DOCK2: variants seen among roughly 807,000 people sequenced by gnomAD.
DOCK2 encodes the protein dedicator of cytokinesis protein 2.
A neutral mutation model predicts 248.9 loss-of-function variants in DOCK2; 87 were observed. The ratio of observed to expected loss-of-function variants is 0.35; its 90% confidence interval spans 0.29 to 0.42. The LOEUF (loss-of-function observed/expected upper bound fraction) is 0.42. DOCK2 is among the 10% of genes least tolerant of loss of function. The pLI is 1.00. For missense variants in DOCK2, 1,747 were observed against 2,300.2 expected (o/e 0.76, Z 4.92); for synonymous variants, 805 against 821.6 (o/e 0.98, Z 0.35).
intron 30 of DOCK2, among the ~76,000 whole-genome samples, chr5:169,999,307 G>C (rs1754754307): frequency 1.3e-5 from 2 of 152,114 alleles, no homozygotes; most frequent in Non-Finnish European, 2.9e-5. Context: ...CATTAAATCA[G>C]GATACTAATA....
At chr5:169,798,644 T>A (rs1170418615) in intron 25 of DOCK2, among the ~76,000 whole-genome samples, 2 of 152,198 alleles carry the variant, frequency 1.3e-5, no homozygotes, top group African/African-American at 4.8e-5. Context: ...GTACTAAGTG[T>A]TTTTCCTGTC....
At chr5:169,843,479 G>C (rs532092802) in intron 27 of DOCK2, among the ~76,000 whole-genome samples, 2 of 152,130 alleles carry the variant, frequency 1.3e-5, no homozygotes. Context: ...CCAAGATCGC[G>C]CCACTGCACT....
chr5:169,778,438 C>T (rs1027770021), intron 25 of DOCK2, among the ~76,000 whole-genome samples: 5 of 152,198 alleles, frequency 3.3e-5, no homozygotes, highest in Non-Finnish European at 5.9e-5. Flanking sequence ...AGAGGACACT[C>T]AGCAGTGTGC....
At chr5:170,015,681 T>C (rs1395710161) in intron 32 of DOCK2, among the ~76,000 whole-genome samples, 4 of 152,154 alleles carry the variant, frequency 2.6e-5, no homozygotes, top group Admixed American at 2.6e-4. Flanking sequence ...CCTTGTTCAT[T>C]GCAGCGTCTG....
chr5:169,874,555 A>G (rs1772201080), intron 27 of DOCK2, among the ~76,000 whole-genome samples: 1 of 152,106 alleles, frequency 6.6e-6, no homozygotes, highest in African/African-American at 2.4e-5. Context: ...CCATACCCCT[A>G]TCCTGAAGTG....
intron 27 of DOCK2, among the ~76,000 whole-genome samples, chr5:169,982,068 C>CTT (rs59193932): frequency 0.064 from 8,097 of 126,248 alleles, 779 homozygotes; most frequent in African/African-American, 0.21. Context: ...GGTAAAAATG[C>CTT]TTTTTTTTTT....
At chr5:169,701,635 C>T (rs1331850251) in intron 13 of DOCK2, among the ~76,000 whole-genome samples, 2 of 152,294 alleles carry the variant, frequency 1.3e-5, no homozygotes, top group East Asian at 3.9e-4. Flanking sequence ...CTACCTCAGC[C>T]TCCTGAGCAG....
chr5:169,967,882 C>G (rs776997120), intron 27 of DOCK2, among the ~76,000 whole-genome samples: 1 of 151,912 alleles, frequency 6.6e-6, no homozygotes, highest in African/African-American at 2.4e-5. Flanking sequence ...GTGGGAGGAG[C>G]GAGAGAAAGG....
chr5:170,065,953 G>GCTTT (rs1757475301), intron 44 of DOCK2, among the ~76,000 whole-genome samples: 1 of 133,398 alleles, frequency 7.5e-6, no homozygotes, highest in Non-Finnish European at 1.6e-5. Context: ...AATGAAAACT[G>GCTTT]TTTTTTTTTT....
At chr5:169,749,612 G>C (rs1246656408) in intron 23 of DOCK2, among the ~76,000 whole-genome samples, 2 of 152,132 alleles carry the variant, frequency 1.3e-5, no homozygotes, top group African/African-American at 2.4e-5. Context: ...CTTCCTCCAG[G>C]CACCATTGCT....
At chr5:170,042,283 A>G (rs1275722745) in intron 38 of DOCK2, 151 bp downstream of exon 38, 3 of 1,046,740 alleles carry the variant, frequency 2.9e-6, no homozygotes, top group African/African-American at 1.6e-5. Context: ...CTCCATCTCC[A>G]TTCCTTCCAC....
At chr5:169,891,388 AG>A (rs1345128781) in intron 27 of DOCK2, among the ~76,000 whole-genome samples, 2 of 152,220 alleles carry the variant, frequency 1.3e-5, no homozygotes, top group Admixed American at 6.5e-5. Flanking sequence ...TTATAGTTAG[AG>A]GCTTCAAGGA....
chr5:170,025,812 C>CTTCCTTCCTTCCTTCT (rs1350163602), intron 33 of DOCK2, among the ~76,000 whole-genome samples: 12 of 96,584 alleles, frequency 1.2e-4, no homozygotes, highest in Non-Finnish European at 2.2e-4. Flanking sequence ...TCCTTCCTTC[C>CTTCCTTCCTTCCTTCT]TTCCTTCCTT....
At chr5:169,716,079 C>T (rs537681205) in intron 19 of DOCK2, 134 bp from the exon 20 acceptor site, 2 of 779,360 alleles carry the variant, frequency 2.6e-6, no homozygotes, top group Middle Eastern at 3.9e-4. Flanking sequence ...AGTAAAACTA[C>T]TCTAGACGTT....
At position 170,019,085 on chromosome 5, in the gene DOCK2, C is replaced by G. The variant is rs772725332; in HGVS notation, c.3358C>G (p.Gln1120Glu). ...IFFDMMLCEY[Q>E]RSGDFKKFEN... ...CTTCGACATGATGCTGTGTGAATAT[C>G]AAAGAAGTGGGGATTTCAAAAAGGT... The change falls in exon 33 of 52, where the codon CAA becomes GAA. Residue 1120 changes from glutamine (Q) to glutamate (E), a missense_variant. Gln to Glu is a conservative substitution (Grantham distance 29, BLOSUM62 2). Coordinates refer to ENST00000520908, the MANE Select transcript of DOCK2 (RefSeq NM_004946.3). 3.7e-6 allele frequency: 6 copies of G among 1,614,022 alleles called. No homozygotes were observed. The highest frequency in any genetic ancestry group is 4.2e-6 in the Non-Finnish European group (5 of 1,179,938).
intron 23 of DOCK2, among the ~76,000 whole-genome samples, chr5:169,753,016 G>A (rs1212313333): frequency 6.6e-6 from 1 of 152,156 alleles, no homozygotes; most frequent in Admixed American, 6.5e-5. Flanking sequence ...AGTGAGCCGA[G>A]ATTGCGCCAT....
chr5:170,019,120 G>C lies in DOCK2; in HGVS notation c.3381+12G>C. The C allele has an allele frequency of 6.2e-7, 1 of 1,613,892 alleles. No individual in the cohort carries two copies. Among genetic ancestry groups the C allele is most frequent in the Non-Finnish European group, 8.5e-7 (1 of 1,179,830 alleles). ...GGGATTTCAAAAAGGTAAAAAATGA[G>C]GCCGGAAACTCATGCCAGCATGCCT... On this transcript the variant is annotated intron_variant, in intron 33 of 51. Coordinates refer to ENST00000520908, the MANE Select transcript of DOCK2 (RefSeq NM_004946.3).
chr5:169,983,339 T>C (rs1777988194), intron 28 of DOCK2, among the ~76,000 whole-genome samples, 173 bp downstream of exon 28: 1 of 152,230 alleles, frequency 6.6e-6, no homozygotes. Flanking sequence ...GTTAGAGTCA[T>C]ACATTCTTAG....
intron 27 of DOCK2, chr5:169,875,960 G>C (rs1198619097): frequency 1.3e-5 from 2 of 152,234 alleles, no homozygotes; most frequent in Admixed American, 6.5e-5. Context: ...TACTCTTACA[G>C]TTCTGGAGGG....
Sources: allele counts gnomAD v4.1 joint callset (sites outside exome capture counted in the v4.1 genomes callset), GRCh38; gene constraint gnomAD v4.1.1; transcripts MANE v1.5; gene names NCBI Gene and HGNC (gene_info 2026-07-23, HGNC 2026-07-21).